DNHD1: variants seen among roughly 807,000 people sequenced by gnomAD.
DNHD1 encodes the protein dynein heavy chain domain 1, also known as dynein heavy chain domain-containing protein 1.
Under a neutral mutation model 458.1 loss-of-function variants are expected in DNHD1, and 383 were observed. The ratio of observed to expected loss-of-function variants is 0.84; its 90% CI spans 0.77 to 0.91. The LOEUF (loss-of-function observed/expected upper bound fraction) is 0.91, where lower values mean the gene tolerates loss of function less well. Ranked by LOEUF, DNHD1 falls within the 40% of genes least tolerant of loss-of-function variation. The pLI, the probability that DNHD1 is intolerant of heterozygous loss-of-function variation, is 0.00. For synonymous variants in DNHD1, 2,203 were observed against 2,376.9 expected, an observed-to-expected ratio of 0.93 and a Z score of 2.13; for missense variants, 5,336 against 5,866.1, an observed-to-expected ratio of 0.91 and a Z score of 2.95.
rs1852862514 is a variant in DNHD1, at chr11:6,533,121, T to C, written c.2442T>C (p.Asp814=). ...LSQQLMTELT[D]FMHIFRTINS... is the part of the protein sequence containing the mutation. ...AACAACTCATGACAGAGCTCACAGA[T>C]TTCATGCATATCTTCCGAACCATCA... Residue 814 remains aspartate (D), a synonymous_variant, in exon 13 of 43, where the codon GAT becomes GAC. Coordinates refer to ENST00000254579, the MANE Select transcript of DNHD1 (RefSeq NM_144666.3). 1.9e-6 allele frequency: 3 copies of C among 1,551,684 alleles called. No individual in the cohort carries two copies. Among genetic ancestry groups the C allele is most frequent in the Non-Finnish European group, 2.6e-6 (3 of 1,146,988 alleles).
intron 7 of DNHD1, 148 bp downstream of exon 7, chr11:6,511,577 C>A: frequency 3.0e-6 from 3 of 1,013,076 alleles, no homozygotes; most frequent in Non-Finnish European, 2.8e-6. Flanking sequence ...CCAGCAACAG[C>A]AGTTTCTGCT....
chr11:6,544,034 C>T, intron 18 of DNHD1, 87 bp from the exon 19 acceptor site: 2 of 1,350,732 alleles, frequency 1.5e-6, no homozygotes, highest in Non-Finnish European at 2.0e-6. Context: ...AACTGCCTCT[C>T]CTGGAAGGTT....
Position 6,547,123 on chromosome 11 carries a change from GC to G in DNHD1, c.6186del (p.Gly2063ValfsTer22). The G allele has an allele frequency of 1.9e-6, 3 of 1,551,758 alleles. No homozygotes were observed. Among genetic ancestry groups the G allele is most frequent in the Non-Finnish European group, 1.7e-6 (2 of 1,147,016 alleles). On this transcript the variant is annotated frameshift_variant, in exon 21 of 43. Coordinates refer to ENST00000254579, the MANE Select transcript of DNHD1 (RefSeq NM_144666.3). LOFTEE classifies it high-confidence loss of function. ...HGIFPKVLRA[A>X]GQCNNMGQKR... ...CATCTTTCCCAAGGTACTTCGTGCA[GC>G]CGGTCAGTGTAACAACATGGGCCAA... is the stretch of plus-strand genomic sequence containing the variant.
intron 27 of DNHD1, 28 bp downstream of exon 27, chr11:6,559,134 C>T (rs1317902007): frequency 6.4e-7 from 1 of 1,551,640 alleles, no homozygotes; most frequent in South Asian, 1.2e-5. Context: ...TGCAGTGTAC[C>T]TCCTTCTGCT....
chr11:6,508,130 A>G (rs1372413834), intron 4 of DNHD1: 2 of 152,208 alleles, frequency 1.3e-5, no homozygotes, highest in African/African-American at 2.4e-5. Context: ...AAATTAATAA[A>G]TGCTTTATTA....
intron 16 of DNHD1, among the ~76,000 whole-genome samples, 181 bp downstream of exon 16, chr11:6,538,991 C>T (rs555712377): frequency 6.6e-6 from 1 of 152,326 alleles, no homozygotes; most frequent in South Asian, 2.1e-4. Flanking sequence ...ACTTCCCTTA[C>T]TACCTCCTCT....
chr11:6,520,631 A>T, intron 10 of DNHD1: 2 of 1,127,658 alleles, frequency 1.8e-6, no homozygotes, highest in Non-Finnish European at 2.2e-6. Flanking sequence ...TTTTATTGCT[A>T]AGTAAATTTG....
In DNHD1 at chr11:6,567,693, A is replaced by G. The variant is rs1213851931; in HGVS notation, c.12184A>G (p.Ser4062Gly). The G allele has an allele frequency of 6.2e-7, 1 of 1,613,768 alleles. No homozygotes were observed. The highest frequency in any genetic ancestry group is 8.5e-7 in the Non-Finnish European group (1 of 1,179,888). Residue 4062 changes from serine (S) to glycine (G), a missense_variant, in exon 36 of 43, where the codon AGC (serine) becomes GGC (glycine). Transcript: ENST00000254579. ...LAGALADFTTSLLGRPLDENT... is the reference protein window; with the variant it reads ...LAGALADFTTGLLGRPLDENT... ...AGGTGCCCTGGCAGACTTCACCACT[A>G]GCCTCCTGGGTCGGCCCCTGGATGA...
chr11:6,519,618 C>T lies in DNHD1; in HGVS notation c.1411C>T (p.His471Tyr), dbSNP rs189185562. Residue 471 changes from histidine (H) to tyrosine (Y), a missense_variant, in exon 8 of 43, where the codon CAC becomes TAC. This residue lies in a region of DNHD1 where 3,932 missense variants were observed against 4,365.6 expected (regional missense o/e 0.90). Coordinates refer to ENST00000254579, the MANE Select transcript of DNHD1 (RefSeq NM_144666.3). The stretch of plus-strand genomic sequence containing the variant: ...CTCACAGGTTCACGAGGACACATAC[C>T]ACATGCAACAGTGCCTACAGGAGCG... ...ILRLVHEDTYHMQQCLQERVQ... is the reference protein window; with the variant it reads ...ILRLVHEDTYYMQQCLQERVQ... 39 of 1,614,060 alleles carry T rather than the reference C, an allele frequency of 2.4e-5. No individual in the cohort carries two copies. In the African/African-American group the frequency reaches 4.7e-4, roughly 19 times the overall value.
Position 6,528,933 on chromosome 11 carries a change from T to C in DNHD1, c.2159T>C (p.Ile720Thr), listed in dbSNP as rs921621950. 2 of 1,551,600 alleles carry C rather than the reference T, an allele frequency of 1.3e-6. No homozygotes were observed. The highest frequency in any genetic ancestry group is 2.7e-5 in the African/African-American group (2 of 73,072). ...AGGGAACATCATTGGATAACAGGCA[T>C]TTATGAATTCCTGCAATCCTGGGGG... ...FCREHHWITG[I>T]YEFLQSWGPQ... The change falls in exon 12 of 43, where the codon ATT (isoleucine) becomes ACT (threonine). Residue 720 changes from isoleucine to threonine, a missense_variant. Ile to Thr is a moderately conservative substitution (Grantham distance 89). Coordinates refer to ENST00000254579, the MANE Select transcript of DNHD1 (RefSeq NM_144666.3).
chr11:6,515,748 T>G (rs1279945032), intron 7 of DNHD1, among the ~76,000 whole-genome samples: 3 of 151,700 alleles, frequency 2.0e-5, no homozygotes, highest in Non-Finnish European at 4.4e-5. Context: ...CCAAGCTCAT[T>G]CACTGTTTTA....
At position 6,564,798 on chromosome 11, in the gene DNHD1, G is replaced by C. The variant is rs1169023554; in HGVS notation, c.10750G>C (p.Gly3584Arg). Residue 3584 changes from glycine to arginine, a missense_variant, in exon 32 of 43, where the codon GGT becomes CGT. Physicochemically the swap from Gly to Arg is moderately radical, Grantham distance 125. Coordinates refer to ENST00000254579, the MANE Select transcript of DNHD1 (RefSeq NM_144666.3). ...NRSFAPALTE[G>R]RGKGLMRNQK... ...ATCTTTTGCGCCAGCCCTCACTGAG[G>C]GTAGAGGTAAGCAGGCATAATAAAT... The C allele has an allele frequency of 2.0e-6, 3 of 1,521,214 alleles. No homozygotes were observed. Among genetic ancestry groups the C allele is most frequent in the Non-Finnish European group, 2.7e-6 (3 of 1,127,132 alleles). The allele number at this position is 1,521,214 out of a possible 1,614,324, so 94.2% of individuals were successfully genotyped here.
In DNHD1 at chr11:6,568,862, C is replaced by T. The variant is rs758714946; in HGVS notation, c.12859C>T (p.Arg4287Cys). ...AACAAGGCTGCAGGCACACAGGGGG[C>T]GCTGGTGAGGGACCCCCACCCATTC... ...YGTRLQAHRG[R>C]WSQVTLTQVL... The change falls in exon 39 of 43, where the codon CGC becomes TGC. Residue 4287 changes from arginine (R) to cysteine (C), a missense_variant. Physicochemically the swap from Arg to Cys is radical, Grantham distance 180 (BLOSUM62 -3). Transcript: ENST00000254579. The T allele has an allele frequency of 5.3e-5, 86 of 1,607,716 alleles. No homozygotes were observed. In the Admixed American group the frequency reaches 5.7e-4, roughly 11 times the overall value.
At chr11:6,523,187 T>C (rs1300362879) in intron 10 of DNHD1, among the ~76,000 whole-genome samples, 2 of 152,180 alleles carry the variant, frequency 1.3e-5, no homozygotes, top group East Asian at 3.8e-4. Context: ...TTGCCTAATT[T>C]TAATTATATA....
chr11:6,571,474 A>G lies in DNHD1; in HGVS notation c.13911+51A>G. On this transcript the variant is annotated intron_variant, in intron 42 of 42. Transcript: ENST00000254579. This position sits in a 1 kb window ranked among gnomAD's most constrained non-coding sequence, Gnocchi z 5.0. ...CGGTTCCAGTCCCCTCGAAGTCTCT[A>G]ATTACACCTCGCAGTTACCCCTTCT... The G allele has an allele frequency of 6.7e-7, 1 of 1,501,022 alleles. No homozygotes were observed. The highest frequency in any genetic ancestry group is 8.9e-7 in the Non-Finnish European group (1 of 1,119,544). 93.0% of individuals were successfully genotyped at this position (1,501,022 alleles called of 1,614,324 possible).
At chr11:6,539,345 G>C in intron 17 of DNHD1, 32 bp downstream of exon 17, 1 of 1,483,920 alleles carries the variant, frequency 6.7e-7, no homozygotes, top group Non-Finnish European at 9.2e-7. Flanking sequence ...CGAGGGAGGT[G>C]GTCCAAAGCC....
chr11:6,513,185 A>C (rs1852381968), intron 7 of DNHD1, among the ~76,000 whole-genome samples: 1 of 152,218 alleles, frequency 6.6e-6, no homozygotes, highest in African/African-American at 2.4e-5. Flanking sequence ...AAAAATAGTT[A>C]TAACTTTTTG....
Position 6,498,628 on chromosome 11 carries a change from GCT to G in DNHD1, c.416_417del (p.Ser139PhefsTer9). On this transcript the variant is annotated frameshift_variant, in exon 3 of 43. Transcript: ENST00000254579. LOFTEE classifies it high-confidence loss of function. ...ATTGTCCAGGCCTTTCCTCCAGACA[GCT>G]CTTTGTTAGACAGTGCTTCCCATGC... is the stretch of plus-strand genomic sequence containing the variant. 1.9e-6 allele frequency: 3 copies of G among 1,614,232 alleles called. No homozygotes were observed. The highest frequency in any genetic ancestry group is 2.5e-6 in the Non-Finnish European group (3 of 1,180,040).
rs1248191357 is a variant in DNHD1, at chr11:6,498,659, C to A, written c.444C>A (p.Asp148Glu). 3 of 1,614,122 alleles carry A rather than the reference C, an allele frequency of 1.9e-6. No homozygotes were observed. The Admixed American group carries it at 5.0e-5, about 27-fold the overall frequency. The change falls in exon 3 of 43, where the codon GAC (aspartate) becomes GAA (glutamate). Residue 148 changes from aspartate (D) to glutamate (E), a missense_variant. Asp to Glu is a conservative substitution (Grantham distance 45). Around this residue, in one of 4 missense-constraint regions of DNHD1, gnomAD observed 3,932 missense variants for 4,365.6 expected, o/e 0.90. Transcript: ENST00000254579. Reference protein sequence around the residue: ...SSLLDSASHADCCPQKRRLHH... With the variant: ...SSLLDSASHAECCPQKRRLHH... ...TGTTAGACAGTGCTTCCCATGCTGA[C>A]TGCTGTCCCCAGAAGCGGAGGCTCC...
Sources: gnomAD v4.1 joint callset for allele counts (sites outside exome capture counted in the v4.1 genomes callset) on GRCh38, gnomAD v4.1.1 for gene constraint, gnomAD v4.1.1 regional missense constraint, Gnocchi (gnomAD v3.1) non-coding constraint, MANE v1.5 for transcripts, NCBI Gene and HGNC (gene_info 2026-07-23, HGNC 2026-07-21) for gene names.